ACBD6: variants seen among roughly 807,000 people sequenced by gnomAD.
ACBD6 encodes acyl-CoA-binding domain-containing protein 6.
A neutral mutation model predicts 37.2 loss-of-function variants in ACBD6; 28 were observed. That is an observed-to-expected ratio of 0.75 (90% confidence interval 0.56 to 1.03). ACBD6 has a LOEUF of 1.03. Among genes scored for constraint, ACBD6 ranks in the 50% least tolerant of loss-of-function variants. ACBD6 has a pLI of 0.00. For synonymous variants in ACBD6, 113 were observed against 126.8 expected, an observed-to-expected ratio of 0.89 and a Z score of 0.73; for missense variants, 340 against 337.4, an observed-to-expected ratio of 1.01 and a Z score of -0.06.
chr1:180,284,659 C>T (rs534134757), downstream of ACBD6, among the ~76,000 whole-genome samples: 40 of 152,010 alleles, frequency 2.6e-4, no homozygotes, highest in South Asian at 8.1e-3. Flanking sequence ...CATGAGCCAC[C>T]GAGCCTGGCC....
chr1:180,476,133 T>C (rs1407993653), intron 3 of ACBD6, among the ~76,000 whole-genome samples: 1 of 152,162 alleles, frequency 6.6e-6, no homozygotes, highest in Non-Finnish European at 1.5e-5. Context: ...CCAATACCAA[T>C]GAAAAGACTA....
rs1553291904 is a variant in ACBD6, at chr1:180,318,165, C to CCA, written c.664-3444_664-3443insTG. On this transcript the variant is annotated intron_variant, in intron 6 of 7. Coordinates refer to ENST00000367595, the MANE Select transcript of ACBD6 (RefSeq NM_032360.4). ...TGACAGAGTAAGATTCCATCTCCGC[C>CCA]CCCCCCCCCCAAAAAAAAAAGAAAG... Among the ~76,000 whole-genome samples the CCA allele has an allele frequency of 2.8e-5, 2 of 72,192 alleles. 1 individual carries two copies. The highest frequency in any genetic ancestry group is 2.3e-4 in the Admixed American group (2 of 8,840). The allele number at this position is 72,192 out of a possible 152,430, so 47.4% of individuals were successfully genotyped here.
At chr1:180,478,163 G>A (rs1168921935) in intron 3 of ACBD6, among the ~76,000 whole-genome samples, 4 of 151,958 alleles carry the variant, frequency 2.6e-5, no homozygotes, top group African/African-American at 7.2e-5. Context: ...ATTTTGGGAT[G>A]TAAAGATAAT....
chr1:180,421,772 T>C (rs1648373957), intron 4 of ACBD6, among the ~76,000 whole-genome samples: 1 of 151,854 alleles, frequency 6.6e-6, no homozygotes. Context: ...ATCAGTGATG[T>C]TGAGCTTTTT....
chr1:180,275,437 ACAAT>A (rs564218424), intron 9 of ACBD6: 6 of 152,354 alleles, frequency 3.9e-5, no homozygotes, highest in African/African-American at 1.2e-4. Flanking sequence ...GAACAAAATG[ACAAT>A]CAATCAGTGA....
intron 10 of ACBD6, chr1:180,274,354 C>T (rs369378953): frequency 5.8e-5 from 93 of 1,614,128 alleles, no homozygotes; most frequent in Non-Finnish European, 7.5e-5. Context: ...CTCCATCCTC[C>T]ATATCGTCCC....
chr1:180,308,236 T>G (rs774721307), intron 7 of ACBD6, among the ~76,000 whole-genome samples: 7 of 152,248 alleles, frequency 4.6e-5, no homozygotes, highest in Non-Finnish European at 8.8e-5. Flanking sequence ...TCTTTGATTT[T>G]ATACAGACTT....
Position 180,502,493 on chromosome 1 carries a change from C to T in ACBD6, c.-227G>A, listed in dbSNP as rs1652028571. The stretch of plus-strand genomic sequence containing the variant: ...CCCTCTGCCGCTCTGCCCAGTCGAC[C>T]CGGTCTCCTCCGGCTTCCCTCCGGC... On this transcript the variant is annotated 5_prime_UTR_variant, in exon 1 of 8. Transcript: ENST00000367595. 1 of 574,144 alleles carries T rather than the reference C, an allele frequency of 1.7e-6. No homozygotes were observed. The highest frequency in any genetic ancestry group is 3.0e-5 in the East Asian group (1 of 33,030). The allele number at this position is 574,144 out of a possible 1,614,324, so 35.6% of individuals were successfully genotyped here.
At chr1:180,413,610 T>C in intron 4 of ACBD6, 139 bp from the exon 5 acceptor site, 4 of 646,224 alleles carry the variant, frequency 6.2e-6, no homozygotes, top group Non-Finnish European at 1.1e-5. Flanking sequence ...AGTAACAGTT[T>C]TTCAGTAGCT....
chr1:180,364,769 T>G (rs933155328), intron 6 of ACBD6, among the ~76,000 whole-genome samples: 4 of 149,888 alleles, frequency 2.7e-5, no homozygotes, highest in Admixed American at 1.3e-4. Context: ...AGTCTTGCTC[T>G]GTCGCCCTGG....
intron 6 of ACBD6, among the ~76,000 whole-genome samples, chr1:180,350,323 C>A (rs948023836): frequency 1.3e-5 from 2 of 152,130 alleles, no homozygotes; most frequent in Admixed American, 1.3e-4. Context: ...TGTGAGCCAC[C>A]ATGCCTGGCC....
chr1:180,301,043 A>G (rs1650109934), intron 7 of ACBD6, among the ~76,000 whole-genome samples: 1 of 152,212 alleles, frequency 6.6e-6, no homozygotes, highest in African/African-American at 2.4e-5. Context: ...TTACCCTGTC[A>G]AGGTAACATC....
intron 6 of ACBD6, among the ~76,000 whole-genome samples, chr1:180,353,219 T>C (rs1288174430): frequency 6.6e-6 from 1 of 152,234 alleles, no homozygotes; most frequent in Non-Finnish European, 1.5e-5. Context: ...ACAGAATGAA[T>C]GGATAAATTT....
intron 6 of ACBD6, among the ~76,000 whole-genome samples, chr1:180,363,850 C>T (rs1652937148): frequency 6.6e-6 from 1 of 151,906 alleles, no homozygotes; most frequent in East Asian, 1.9e-4. Context: ...CATTAGAAAG[C>T]TCCACAAAAT....
At chr1:180,410,596 A>G (rs376395190) in intron 5 of ACBD6, among the ~76,000 whole-genome samples, 234 of 152,256 alleles carry the variant, frequency 1.5e-3, no homozygotes, top group African/African-American at 5.3e-3. Context: ...AGATGACAGT[A>G]TATCTGTTTA....
At chr1:180,353,180 G>A (rs1652483355) in intron 6 of ACBD6, among the ~76,000 whole-genome samples, 1 of 152,142 alleles carries the variant, frequency 6.6e-6, no homozygotes, top group African/African-American at 2.4e-5. Context: ...AGAGGTATGG[G>A]GTACATAAAA....
rs2149269159 is a variant in ACBD6, at chr1:180,274,699, G to GGAA, written c.*885_*887dup. 4 of 1,217,466 alleles carry GGAA rather than the reference G, an allele frequency of 3.3e-6. No individual in the cohort carries two copies. In the African/African-American group the frequency reaches 4.5e-5, roughly 14 times the overall value. The allele number at this position is 1,217,466 out of a possible 1,614,324, so 75.4% of individuals were successfully genotyped here. ...AATGTGAATTTCCATTATTTTCAAT[G>GGAA]GAAGTCCTCCGCTGATTCCTAGAAG... is the stretch of plus-strand genomic sequence containing the variant. On this transcript the variant is annotated 3_prime_UTR_variant, in exon 10 of 14. Coordinates refer to the ACBD6 transcript ENST00000642319.
At chr1:180,488,129 T>C (rs1651348439) in intron 3 of ACBD6, among the ~76,000 whole-genome samples, 1 of 152,122 alleles carries the variant, frequency 6.6e-6, no homozygotes, top group African/African-American at 2.4e-5. Flanking sequence ...GTTACATACA[T>C]GTGTGTCTAT....
chr1:180,481,834 G>A (rs1651052946), intron 3 of ACBD6, among the ~76,000 whole-genome samples: 1 of 152,126 alleles, frequency 6.6e-6, no homozygotes, highest in Admixed American at 6.5e-5. Flanking sequence ...ATCCTCTATG[G>A]TATGGCCCTG....
Sources: gnomAD v4.1 joint callset for allele counts (sites outside exome capture counted in the v4.1 genomes callset) on GRCh38, gnomAD v4.1.1 for gene constraint, MANE v1.5 for transcripts, NCBI Gene and HGNC (gene_info 2026-07-23, HGNC 2026-07-21) for gene names.